Variants in LRBA observed in about 807,000 individuals in gnomAD.
The protein encoded by LRBA is lipopolysaccharide-responsive and beige-like anchor protein.
In LRBA, 176 loss-of-function variants were observed where a neutral mutation model predicts 330.0. The ratio of observed to expected loss-of-function variants is 0.53; its 90% CI spans 0.47 to 0.60. The LOEUF (loss-of-function observed/expected upper bound fraction) is 0.60. LRBA is among the 20% of genes least tolerant of loss of function. The probability of loss-of-function intolerance (pLI) is 0.00; values close to 1 mark genes in which losing one functional copy is unlikely to be tolerated. For missense variants in LRBA, 3,259 were observed against 3,444.8 expected, an observed-to-expected ratio of 0.95 and a Z score of 1.35; for synonymous variants, 1,230 against 1,193.0, an observed-to-expected ratio of 1.03 and a Z score of -0.64.
intron 34 of LRBA, among the ~76,000 whole-genome samples, chr4:150,764,935 T>A (rs549268945): frequency 6.6e-6 from 1 of 152,002 alleles, no homozygotes; most frequent in South Asian, 2.1e-4. Flanking sequence ...ACCAAGGGAG[T>A]TGAAAACTTA....
chr4:150,836,870 A>C (rs1280751858), intron 28 of LRBA, among the ~76,000 whole-genome samples: 3 of 151,920 alleles, frequency 2.0e-5, no homozygotes, highest in Admixed American at 1.3e-4. Flanking sequence ...TTCTCTAATT[A>C]TTTTAATTGT....
At chr4:150,949,746 C>G (rs1736625853) in intron 2 of LRBA, among the ~76,000 whole-genome samples, 1 of 99,216 alleles carries the variant, frequency 1.0e-5, no homozygotes, top group Admixed American at 1.2e-4. Context: ...AAATGAGAGC[C>G]AAATTAAGCG....
At chr4:150,298,073 G>GATTT (rs1459330013) in intron 53 of LRBA, among the ~76,000 whole-genome samples, 1 of 152,064 alleles carries the variant, frequency 6.6e-6, no homozygotes, top group Non-Finnish European at 1.5e-5. Context: ...GGTGCTCTAG[G>GATTT]ACACCTACTT....
At chr4:150,664,106 T>TC (rs1781364860) in intron 37 of LRBA, among the ~76,000 whole-genome samples, 1 of 152,154 alleles carries the variant, frequency 6.6e-6, no homozygotes, top group South Asian at 2.1e-4. Context: ...GAATGTCATG[T>TC]CTTAGGTTTT....
intron 30 of LRBA, among the ~76,000 whole-genome samples, chr4:150,824,331 TTCTAAATAC>T (rs1178807377): frequency 6.6e-6 from 1 of 152,216 alleles, no homozygotes; most frequent in African/African-American, 2.4e-5. Context: ...CTTTAGGTTT[TTCTAAATAC>T]TCTAAATACA....
chr4:150,883,117 T>C (rs141484122), intron 17 of LRBA, among the ~76,000 whole-genome samples: 2 of 152,186 alleles, frequency 1.3e-5, no homozygotes, highest in South Asian at 2.1e-4. Flanking sequence ...TCAGTTAATA[T>C]GAAACCTTTT....
At chr4:150,533,878 C>G (rs537083965) in intron 40 of LRBA, among the ~76,000 whole-genome samples, 1 of 152,254 alleles carries the variant, frequency 6.6e-6, no homozygotes, top group South Asian at 2.1e-4. Flanking sequence ...AAGTCAATCT[C>G]CATTCCACCA....
chr4:150,952,190 A>G (rs1486807578), intron 2 of LRBA, among the ~76,000 whole-genome samples: 1 of 152,212 alleles, frequency 6.6e-6, no homozygotes, highest in Non-Finnish European at 1.5e-5. Context: ...TTGGACAAGG[A>G]AAGATGTTTA....
chr4:150,792,910 G>A (rs1021396342), intron 34 of LRBA, among the ~76,000 whole-genome samples: 4 of 151,954 alleles, frequency 2.6e-5, no homozygotes, highest in Admixed American at 6.6e-5. Flanking sequence ...GTGAAACCCC[G>A]TCTCTAATAA....
intron 44 of LRBA, among the ~76,000 whole-genome samples, chr4:150,446,944 G>T (rs1157947318): frequency 2.6e-5 from 4 of 152,092 alleles, no homozygotes; most frequent in Admixed American, 2.6e-4. Context: ...ATATGGTGGG[G>T]GAGGGGGTTA....
intron 48 of LRBA, among the ~76,000 whole-genome samples, chr4:150,346,273 ATATATAT>A (rs1736287606): frequency 6.6e-6 from 1 of 151,590 alleles, no homozygotes; most frequent in Non-Finnish European, 1.5e-5. Context: ...CTAATACAGA[ATATATAT>A]TATATATAAG....
At chr4:150,561,214 A>C (rs1566867) in intron 40 of LRBA, among the ~76,000 whole-genome samples, 68,516 of 151,866 alleles carry the variant, frequency 0.45, 16,023 homozygotes, top group Admixed American at 0.52. Flanking sequence ...GTTATTCTAA[A>C]ATCCATGAAG....
chr4:150,283,410 G>A (rs1258624996), intron 54 of LRBA, among the ~76,000 whole-genome samples: 2 of 152,170 alleles, frequency 1.3e-5, no homozygotes, highest in African/African-American at 4.8e-5. Flanking sequence ...CTGCATGCAA[G>A]GCAAAGAAGG....
intron 45 of LRBA, 67 bp from the exon 46 acceptor site, chr4:150,435,775 C>T (rs967370966): frequency 1.5e-6 from 2 of 1,319,900 alleles, no homozygotes; most frequent in Non-Finnish European, 2.1e-6. Context: ...TTTATAAATT[C>T]TTAGAACTAA....
In LRBA at chr4:150,548,548, C is replaced by G. The variant is rs1008740282; in HGVS notation, c.6330+39500G>C. Among the ~76,000 whole-genome samples, 124 of 152,080 alleles carry G rather than the reference C, an allele frequency of 8.2e-4. 2 individuals are homozygous for G. The highest frequency in any genetic ancestry group is 1.6e-3 in the Non-Finnish European group (109 of 68,012). ...TTCAAGATTCTAATGTAACACTTAA[C>G]TCTGCATAGTTTACTAGTCTATATT... On this transcript the variant is annotated intron_variant, in intron 40 of 56. Transcript: ENST00000651943.
Position 150,852,353 on chromosome 4 carries a change from AG to A in LRBA, c.3356del (p.Pro1119LeufsTer36), listed in dbSNP as rs752600244. The stretch of plus-strand genomic sequence containing the variant: ...CTGTGGGTAGATTAGCTTCCTCAGT[AG>A]GACTGCCTTCTACTTTCAGTTCCAC... ...DYVELKVEGS[P>X]TEEANLPTEL... On this transcript the variant is annotated frameshift_variant, in exon 23 of 57. Coordinates refer to ENST00000651943, the MANE Select transcript of LRBA (RefSeq NM_001364905.1). LOFTEE classifies it high-confidence loss of function. 6.2e-7 allele frequency: 1 copy of A among 1,613,892 alleles called. No homozygotes were observed. Among genetic ancestry groups the A allele is most frequent in the Non-Finnish European group, 8.5e-7 (1 of 1,179,964 alleles).
chr4:150,750,325 A>G (rs947976610), intron 35 of LRBA, among the ~76,000 whole-genome samples: 1 of 152,186 alleles, frequency 6.6e-6, no homozygotes, highest in African/African-American at 2.4e-5. Flanking sequence ...CAATAAATGG[A>G]TACTGAATGA....
chr4:150,420,517 T>A (rs1748629472), intron 46 of LRBA, among the ~76,000 whole-genome samples: 1 of 63,818 alleles, frequency 1.6e-5, no homozygotes, highest in South Asian at 5.4e-4. Context: ...TTATAATATA[T>A]ATAAAGTATA....
intron 22 of LRBA, among the ~76,000 whole-genome samples, chr4:150,861,101 TTTTTG>T (rs1751864320): frequency 6.6e-6 from 1 of 152,182 alleles, no homozygotes; most frequent in African/African-American, 2.4e-5. Context: ...AATGTTTTAA[TTTTTG>T]TTTTAACAAA....
Sources: allele counts gnomAD v4.1 joint callset (sites outside exome capture counted in the v4.1 genomes callset), GRCh38; gene constraint gnomAD v4.1.1; transcripts MANE v1.5; gene names NCBI Gene and HGNC (gene_info 2026-07-23, HGNC 2026-07-21).